The following RALGPS1 variants were observed in gnomAD, a reference collection of about 807,000 sequenced individuals.
The protein encoded by RALGPS1 is ras-specific guanine nucleotide-releasing factor RalGPS1.
A neutral mutation model predicts 78.8 loss-of-function variants in RALGPS1; 19 were observed. That is an observed-to-expected ratio of 0.24 (90% CI 0.17 to 0.35). RALGPS1 has a LOEUF of 0.35. Ranked by LOEUF, RALGPS1 falls within the 10% of genes least tolerant of loss-of-function variation. RALGPS1 has a pLI of 1.00. For synonymous variants in RALGPS1, 228 were observed against 256.3 expected (o/e 0.89, Z 1.06); for missense variants, 454 against 688.3 (o/e 0.66, Z 3.81).
chr9:127,123,260 G>A (rs1298824598), intron 8 of RALGPS1, among the ~76,000 whole-genome samples: 1 of 152,258 alleles, frequency 6.6e-6, no homozygotes, highest in African/African-American at 2.4e-5. Flanking sequence ...GGAGGCAGTG[G>A]CTTAGGACAG....
At chr9:127,054,693 C>G (rs2048565733) in intron 7 of RALGPS1, among the ~76,000 whole-genome samples, 1 of 152,216 alleles carries the variant, frequency 6.6e-6, no homozygotes, top group African/African-American at 2.4e-5. Context: ...AAATAAACCT[C>G]CAGGCCAGGT....
At position 127,219,196 on chromosome 9, in the gene RALGPS1, G is replaced by A. The variant is rs73599208; in HGVS notation, c.*427G>A. The A allele has an allele frequency of 8.7e-3, 2,049 of 236,302 alleles. 48 individuals are homozygous for A. Among genetic ancestry groups the A allele is most frequent in the African/African-American group, 0.043 (1,916 of 44,458 alleles). 14.6% of individuals were successfully genotyped at this position (236,302 alleles called of 1,614,324 possible). A position where few individuals can be genotyped will look rare whatever the true frequency, so the allele number is the denominator to read the frequency against. ...ACACCCCAAGTGCATGGGGTTGCTC[G>A]CCCACAGGGCTGCCTCAGATTTTGT... On this transcript the variant is annotated 3_prime_UTR_variant, in exon 19 of 19. Transcript: ENST00000259351. This position sits in a 1 kb window ranked among gnomAD's most constrained non-coding sequence, Gnocchi z 5.0.
At chr9:127,153,305 T>G (rs1306109933) in intron 8 of RALGPS1, among the ~76,000 whole-genome samples, 1 of 152,016 alleles carries the variant, frequency 6.6e-6, no homozygotes, top group Non-Finnish European at 1.5e-5. Flanking sequence ...CACTCACCTC[T>G]TGATTCCTTT....
chr9:127,146,054 C>T (rs540966727), intron 8 of RALGPS1, among the ~76,000 whole-genome samples: 5 of 152,254 alleles, frequency 3.3e-5, no homozygotes, highest in African/African-American at 1.2e-4. Context: ...GGTGGATTCT[C>T]GATACGTTAT....
intron 4 of RALGPS1, among the ~76,000 whole-genome samples, chr9:127,017,507 T>G (rs998616107): frequency 6.6e-6 from 1 of 152,218 alleles, no homozygotes; most frequent in Non-Finnish European, 1.5e-5. Flanking sequence ...GCCTTGGACA[T>G]TACTGTAATA....
chr9:126,965,962 CAG>C lies in RALGPS1; in HGVS notation c.165+12_165+13del, dbSNP rs1477526344. 3 of 1,608,628 alleles carry C rather than the reference CAG, an allele frequency of 1.9e-6. No individual in the cohort carries two copies. In the East Asian group the frequency reaches 6.7e-5, roughly 36 times the overall value. On this transcript the variant is annotated intron_variant, in intron 3 of 18. Coordinates refer to ENST00000259351, the MANE Select transcript of RALGPS1 (RefSeq NM_014636.3). ...CCAGAGGAGTTTGCTGTAAGTGAAA[CAG>C]GGCTGGTGTGGGTGGCTGGGCACCA...
At chr9:127,178,022 A>G in intron 11 of RALGPS1, 1 of 1,519,006 alleles carries the variant, frequency 6.6e-7, no homozygotes, top group Admixed American at 2.0e-5. Context: ...AAGCATGGCG[A>G]GGCACCCATG....
At chr9:127,105,042 G>T (rs1261197084) in intron 8 of RALGPS1, among the ~76,000 whole-genome samples, 1 of 152,168 alleles carries the variant, frequency 6.6e-6, no homozygotes, top group Admixed American at 6.5e-5. Context: ...AACACCAGGA[G>T]AGGGCAGGAC....
chr9:127,038,962 T>C (rs1460284512), intron 5 of RALGPS1, among the ~76,000 whole-genome samples: 3 of 152,196 alleles, frequency 2.0e-5, no homozygotes, highest in Admixed American at 2.0e-4. Flanking sequence ...AGTCCCATCC[T>C]TGAGACAGTG....
chr9:127,062,210 G>A (rs2049275693), intron 7 of RALGPS1, among the ~76,000 whole-genome samples: 1 of 151,994 alleles, frequency 6.6e-6, no homozygotes, highest in Non-Finnish European at 1.5e-5. Context: ...CCATTCTCTT[G>A]CCTCAGCCTC....
chr9:126,946,283 G>A (rs557746704), intron 1 of RALGPS1, among the ~76,000 whole-genome samples: 1 of 152,300 alleles, frequency 6.6e-6, no homozygotes, highest in East Asian at 1.9e-4. Flanking sequence ...GGAGGCTCAT[G>A]CCTCACTCGG....
intron 5 of RALGPS1, among the ~76,000 whole-genome samples, chr9:127,048,709 C>T (rs2048033714): frequency 6.6e-6 from 1 of 152,138 alleles, no homozygotes; most frequent in Non-Finnish European, 1.5e-5. Context: ...TGATAATATG[C>T]CATAAAAATG....
At chr9:127,124,585 G>C (rs2056464486) in intron 8 of RALGPS1, among the ~76,000 whole-genome samples, 1 of 152,210 alleles carries the variant, frequency 6.6e-6, no homozygotes, top group Non-Finnish European at 1.5e-5. Context: ...CTAAATTTTG[G>C]TGGTAATTTG....
intron 8 of RALGPS1, among the ~76,000 whole-genome samples, chr9:127,115,861 G>A (rs2055356307): frequency 6.6e-6 from 1 of 152,214 alleles, no homozygotes. Flanking sequence ...CCTGGTGAAA[G>A]GACTGTGCAT....
At chr9:127,039,026 T>C (rs1472846240) in intron 5 of RALGPS1, among the ~76,000 whole-genome samples, 2 of 152,130 alleles carry the variant, frequency 1.3e-5, no homozygotes. Context: ...TTTGGACATG[T>C]GGGATGAAGT....
At chr9:127,071,707 A>G (rs774011061) in intron 8 of RALGPS1, among the ~76,000 whole-genome samples, 1 of 152,130 alleles carries the variant, frequency 6.6e-6, no homozygotes, top group Non-Finnish European at 1.5e-5. Flanking sequence ...GATATTCTTT[A>G]AATACTCCCT....
At chr9:127,208,676 A>G (rs892675535) in intron 14 of RALGPS1, among the ~76,000 whole-genome samples, 1 of 151,310 alleles carries the variant, frequency 6.6e-6, no homozygotes, top group Non-Finnish European at 1.5e-5. Context: ...CCACCCAGAG[A>G]CCCCTGGTGT....
chr9:127,208,080 G>T (rs912121423), intron 14 of RALGPS1, among the ~76,000 whole-genome samples: 2 of 152,210 alleles, frequency 1.3e-5, no homozygotes, highest in Non-Finnish European at 2.9e-5. Flanking sequence ...GCATGCTCTT[G>T]TGTGAAAGCA....
rs2042787011 is a variant in RALGPS1 at position 126,996,577 on chromosome 9, A to ATTCACAGC, written c.216+18833_216+18840dup. ...CCAAAAAAAGTCCAGGACCAGATGG[A>ATTCACAGC]TTCACAGCCGAATTCTACCAGAGGT... On this transcript the variant is annotated intron_variant, in intron 4 of 18. Coordinates refer to ENST00000259351, the MANE Select transcript of RALGPS1 (RefSeq NM_014636.3). 3.3e-5 allele frequency among the ~76,000 whole-genome samples: 5 copies of ATTCACAGC among 152,368 alleles called. No individual in the cohort carries two copies. In the South Asian group the frequency reaches 1.0e-3, roughly 32 times the overall value.
Sources: gnomAD v4.1 joint callset for allele counts (sites outside exome capture counted in the v4.1 genomes callset) on GRCh38, gnomAD v4.1.1 for gene constraint, Gnocchi (gnomAD v3.1) non-coding constraint, MANE v1.5 for transcripts, NCBI Gene and HGNC (gene_info 2026-07-23, HGNC 2026-07-21) for gene names.